NTNG1: variants seen among roughly 807,000 people sequenced by gnomAD.
NTNG1 encodes the protein netrin-G1.
In NTNG1, 16 loss-of-function variants were observed where a neutral mutation model predicts 54.0. That is an observed-to-expected ratio of 0.30 (90% CI 0.20 to 0.45). The LOEUF (loss-of-function observed/expected upper bound fraction) is 0.45. Ranked by LOEUF, NTNG1 falls within the 20% of genes least tolerant of loss-of-function variation. The probability of loss-of-function intolerance (pLI) is 1.00; values close to 1 mark genes in which losing one functional copy is unlikely to be tolerated. For missense variants in NTNG1, 530 were observed against 678.7 expected (o/e 0.78, Z 2.43); for synonymous variants, 255 against 263.1 (o/e 0.97, Z 0.30).
intron 3 of NTNG1, among the ~76,000 whole-genome samples, chr1:107,374,410 T>C (rs1475958413): frequency 6.6e-6 from 1 of 152,102 alleles, no homozygotes; most frequent in Non-Finnish European, 1.5e-5. Context: ...CACTGAAGCT[T>C]TTTGCATTTT....
intron 3 of NTNG1, among the ~76,000 whole-genome samples, chr1:107,378,608 G>A (rs1671448335): frequency 6.6e-6 from 1 of 152,216 alleles, no homozygotes; most frequent in Non-Finnish European, 1.5e-5. Flanking sequence ...GGAGGGCAGA[G>A]CTGGGTATGG....
chr1:107,349,615 T>C (rs999923123), intron 3 of NTNG1, among the ~76,000 whole-genome samples: 1 of 152,192 alleles, frequency 6.6e-6, no homozygotes, highest in Non-Finnish European at 1.5e-5. Context: ...AACCATTATC[T>C]TGCATTATTT....
At chr1:107,221,662 C>G (rs374272050) in intron 2 of NTNG1, among the ~76,000 whole-genome samples, 2 of 152,246 alleles carry the variant, frequency 1.3e-5, no homozygotes, top group South Asian at 2.1e-4. Context: ...GAAGGCAAAG[C>G]CTGTGTATTT....
chr1:107,143,929 T>A (rs78979552), intron 1 of NTNG1, among the ~76,000 whole-genome samples: 7,300 of 152,172 alleles, frequency 0.048, 563 homozygotes, highest in African/African-American at 0.17. Context: ...GATCTTTCAA[T>A]TACCACGGTG....
chr1:107,404,719 T>G (rs1673293038), intron 4 of NTNG1, among the ~76,000 whole-genome samples: 1 of 151,982 alleles, frequency 6.6e-6, no homozygotes, highest in South Asian at 2.1e-4. Flanking sequence ...AAAAACAAGT[T>G]GATAAATTGA....
chr1:107,251,989 T>C (rs1245488613), intron 2 of NTNG1, among the ~76,000 whole-genome samples: 1 of 151,930 alleles, frequency 6.6e-6, no homozygotes, highest in Non-Finnish European at 1.5e-5. Flanking sequence ...GCCTCCATGG[T>C]TTACTTCTAT....
At chr1:107,340,794 T>A (rs1378198115) in intron 3 of NTNG1, among the ~76,000 whole-genome samples, 3 of 152,070 alleles carry the variant, frequency 2.0e-5, no homozygotes, top group African/African-American at 7.2e-5. Context: ...CTCCTCCATT[T>A]GTTTACTTGA....
In NTNG1 at chr1:107,480,788, CGCT is replaced by C. The variant is rs763775324; in HGVS notation, c.1579_1581del (p.Leu527del). On this transcript the variant is annotated inframe_deletion, in exon 8 of 8. Transcript: ENST00000370068. ...GGCGCGCCCCCGCACGGCTCCCCAG[CGCT>C]GCTGCTGCTGACCACGCTGCTGGGA... is the stretch of plus-strand genomic sequence containing the variant. 4.4e-6 allele frequency: 7 copies of C among 1,595,564 alleles called. No homozygotes were observed. Among genetic ancestry groups the C allele is most frequent in the Admixed American group, 1.7e-5 (1 of 57,834 alleles).
intron 3 of NTNG1, among the ~76,000 whole-genome samples, chr1:107,391,175 G>C (rs982002650): frequency 3.3e-5 from 5 of 152,064 alleles, no homozygotes; most frequent in African/African-American, 1.2e-4. Flanking sequence ...AGTTAGGAGT[G>C]GTACAAATGA....
At chr1:107,287,373 T>G (rs2101749453) in intron 2 of NTNG1, among the ~76,000 whole-genome samples, 1 of 152,332 alleles carries the variant, frequency 6.6e-6, no homozygotes, top group African/African-American at 2.4e-5. Flanking sequence ...TACATGGCCC[T>G]TGGTTAACTA....
intron 5 of NTNG1, chr1:107,410,358 T>TCATTTGAA (rs1330529819): frequency 6.6e-6 from 1 of 152,156 alleles, no homozygotes; most frequent in East Asian, 1.9e-4. Context: ...AATGCATGGA[T>TCATTTGAA]AGGGTGGTCA....
intron 3 of NTNG1, among the ~76,000 whole-genome samples, chr1:107,353,176 C>T (rs1669730031): frequency 6.6e-6 from 1 of 152,104 alleles, no homozygotes; most frequent in South Asian, 2.1e-4. Context: ...TCTTTTCTAC[C>T]ACATGGCCAG....
intron 5 of NTNG1, among the ~76,000 whole-genome samples, chr1:107,411,430 A>C (rs1228918022): frequency 6.6e-6 from 1 of 152,176 alleles, no homozygotes; most frequent in Non-Finnish European, 1.5e-5. Flanking sequence ...GAGACCTGGT[A>C]AAAGTTGTTT....
chr1:107,183,237 T>G (rs1428074568), intron 2 of NTNG1, among the ~76,000 whole-genome samples: 1 of 152,176 alleles, frequency 6.6e-6, no homozygotes, highest in Admixed American at 6.5e-5. Context: ...GCAAAACAGC[T>G]ACTTCTCTTC....
chr1:107,347,919 A>T (rs1263702815), intron 3 of NTNG1, among the ~76,000 whole-genome samples: 1 of 152,044 alleles, frequency 6.6e-6, no homozygotes, highest in African/African-American at 2.4e-5. Context: ...TAGCCCCATG[A>T]TCCAATTACT....
chr1:107,466,246 CTGTGCAATTTAA>C (rs1476362593), intron 7 of NTNG1, among the ~76,000 whole-genome samples: 11 of 152,164 alleles, frequency 7.2e-5, no homozygotes, highest in Admixed American at 1.3e-4. Context: ...TGTAGCATGT[CTGTGCAATTTAA>C]TTTAGGGGAT....
intron 2 of NTNG1, among the ~76,000 whole-genome samples, chr1:107,281,251 ACTTC>A (rs1197088731): frequency 1.3e-5 from 2 of 152,118 alleles, no homozygotes; most frequent in Non-Finnish European, 2.9e-5. Flanking sequence ...AAACACTGTT[ACTTC>A]AGAGCCCCCA....
chr1:107,383,059 T>G (rs1289973436), intron 3 of NTNG1, among the ~76,000 whole-genome samples: 3 of 152,252 alleles, frequency 2.0e-5, no homozygotes, highest in African/African-American at 7.2e-5. Flanking sequence ...GTAGTATTCT[T>G]TTACACAGAT....
At position 107,254,306 on chromosome 1, in the gene NTNG1, T is replaced by A. The variant is rs115322008; in HGVS notation, c.247-69976T>A. On this transcript the variant is annotated intron_variant, in intron 2 of 7. Coordinates refer to ENST00000370068, the MANE Select transcript of NTNG1 (RefSeq NM_001113226.3). ...TGAAAACCCAGCACACCAGCTGGAT[T>A]GTAAAATTGAGGTGAATAAGCACTT... Among the ~76,000 whole-genome samples, 663 of 152,374 alleles carry A rather than the reference T, an allele frequency of 4.4e-3. 5 individuals are homozygous for A. The highest frequency in any genetic ancestry group is 0.015 in the African/African-American group (626 of 41,584).
Sources: allele counts gnomAD v4.1 joint callset (sites outside exome capture counted in the v4.1 genomes callset), GRCh38; gene constraint gnomAD v4.1.1; transcripts MANE v1.5; gene names NCBI Gene and HGNC (gene_info 2026-07-23, HGNC 2026-07-21).